Variants in MLPH observed in about 807,000 individuals in gnomAD.
MLPH encodes the protein melanophilin, also known as exophilin-3.
MLPH carries 51 observed loss-of-function variants against 72.1 expected under a neutral mutation model. That is an observed-to-expected ratio of 0.71 (90% confidence interval 0.56 to 0.89). MLPH has a LOEUF of 0.89. Ranked by LOEUF, MLPH falls within the 40% of genes least tolerant of loss-of-function variation. The probability of loss-of-function intolerance (pLI) is 0.00; values close to 1 mark genes in which losing one functional copy is unlikely to be tolerated. For missense variants in MLPH, 743 were observed against 759.9 expected (o/e 0.98, Z 0.26); for synonymous variants, 301 against 310.1 (o/e 0.97, Z 0.31).
rs770837661 is a variant in MLPH, at chr2:237,540,864, C to T, written c.1353C>T (p.Pro451=). 13 of 1,613,250 alleles carry T rather than the reference C, an allele frequency of 8.1e-6. No homozygotes were observed. The Admixed American group carries it at 1.0e-4, about 12-fold the overall frequency. ...AAAGCCCCCAGGACCCTGGGGACCC[C>T]GTCCAGTACAACAGGACCACAGATG... ...QEKSPQDPGD[P]VQYNRTTDEE... The change falls in exon 11 of 16, where the codon CCC becomes CCT. Residue 451 remains proline, a synonymous_variant. Coordinates refer to ENST00000264605, the MANE Select transcript of MLPH (RefSeq NM_024101.7).
intron 8 of MLPH, among the ~76,000 whole-genome samples, chr2:237,530,388 C>A (rs2080395649): frequency 6.6e-6 from 1 of 152,196 alleles, no homozygotes; most frequent in Admixed American, 6.5e-5. Context: ...AAAATGAGCA[C>A]CTGAATTTCA....
intron 6 of MLPH, 65 bp downstream of exon 6, chr2:237,520,094 C>T: frequency 6.2e-7 from 1 of 1,608,624 alleles, no homozygotes; most frequent in Non-Finnish European, 8.5e-7. Flanking sequence ...TGCTCAGGCC[C>T]CAGGTGAGGG....
intron 6 of MLPH, among the ~76,000 whole-genome samples, chr2:237,520,757 A>G (rs1470927351): frequency 6.6e-6 from 1 of 152,242 alleles, no homozygotes; most frequent in East Asian, 1.9e-4. Context: ...CTTTCTGAGT[A>G]GATACGGTAA....
At chr2:237,531,005 G>A (rs954883713) in intron 8 of MLPH, among the ~76,000 whole-genome samples, 2 of 152,210 alleles carry the variant, frequency 1.3e-5, no homozygotes, top group African/African-American at 4.8e-5. Flanking sequence ...AGGCAGCGAG[G>A]TCCCCCAGGC....
chr2:237,536,011 C>T (rs893690858), intron 9 of MLPH, among the ~76,000 whole-genome samples: 2 of 152,200 alleles, frequency 1.3e-5, no homozygotes, highest in African/African-American at 2.4e-5. Flanking sequence ...CCTCTAGAGG[C>T]TCCCAATCAT....
intron 2 of MLPH, 69 bp downstream of exon 2, chr2:237,493,605 G>T: frequency 8.0e-7 from 1 of 1,247,072 alleles, no homozygotes; most frequent in Non-Finnish European, 1.2e-6. Context: ...TCATATGGGT[G>T]CTGTCTGGGT....
intron 1 of MLPH, among the ~76,000 whole-genome samples, chr2:237,492,026 T>C (rs1290364487): frequency 1.3e-5 from 2 of 152,200 alleles, no homozygotes; most frequent in African/African-American, 4.8e-5. Flanking sequence ...CCTGGAGATC[T>C]TGTTCAAAGG....
At chr2:237,493,581 T>G in intron 2 of MLPH, 45 bp downstream of exon 2, 1 of 1,458,424 alleles carries the variant, frequency 6.9e-7, no homozygotes, top group East Asian at 2.3e-5. Context: ...GTCCCTGATC[T>G]TCCCCCAGGG....
Position 237,512,800 on chromosome 2 carries a change from G to C in MLPH, c.445+1699G>C, listed in dbSNP as rs2079933466. On this transcript the variant is annotated intron_variant, in intron 4 of 15. Transcript: ENST00000264605. This position sits in a 1 kb window ranked among gnomAD's most constrained non-coding sequence, Gnocchi z 5.5. The stretch of plus-strand genomic sequence containing the variant: ...ACCCCAGAGGCAGTCTTTAGGGACT[G>C]GGGTGGGCTCAGGAAGCTGTATTAT... 6.6e-6 allele frequency among the ~76,000 whole-genome samples: 1 copy of C among 152,162 alleles called. No homozygotes were observed. The highest frequency in any genetic ancestry group is 6.5e-5 in the Admixed American group (1 of 15,286).
At chr2:237,533,832 G>A (rs766023339) in intron 8 of MLPH, among the ~76,000 whole-genome samples, 3 of 152,200 alleles carry the variant, frequency 2.0e-5, no homozygotes, top group African/African-American at 4.8e-5. Context: ...CATGTTCTTC[G>A]GGCAGATTTG....
intron 2 of MLPH, among the ~76,000 whole-genome samples, chr2:237,499,615 C>T (rs755993785): frequency 6.6e-6 from 1 of 151,942 alleles, no homozygotes; most frequent in Admixed American, 6.5e-5. Context: ...AATTTAACAA[C>T]GGATTTAACA....
chr2:237,511,191 T>TACGTGTGTGTGTGC, intron 4 of MLPH, 90 bp downstream of exon 4: 1 of 980,870 alleles, frequency 1.0e-6, no homozygotes, highest in Non-Finnish European at 1.6e-6. Flanking sequence ...TGTGTGTGTG[T>TACGTGTGTGTGTGC]ACGTGTGTGT....
chr2:237,535,400 T>C (rs1328569147), intron 9 of MLPH, among the ~76,000 whole-genome samples: 3 of 151,878 alleles, frequency 2.0e-5, no homozygotes, highest in Admixed American at 1.3e-4. Flanking sequence ...ACATGAACTT[T>C]AGGGGACACA....
intron 8 of MLPH, among the ~76,000 whole-genome samples, chr2:237,529,711 A>G (rs2080378799): frequency 6.6e-6 from 1 of 152,218 alleles, no homozygotes; most frequent in African/African-American, 2.4e-5. Flanking sequence ...CATGAAACCC[A>G]GAGAAGGGGA....
At chr2:237,513,916 T>G (rs2079960213) in intron 4 of MLPH, among the ~76,000 whole-genome samples, 2 of 152,230 alleles carry the variant, frequency 1.3e-5, no homozygotes, top group Admixed American at 6.5e-5. Flanking sequence ...CTTGACCTTC[T>G]GAAAGTTCAC....
chr2:237,527,790 A>G (rs1559360680), intron 8 of MLPH: 1 of 487,540 alleles, frequency 2.1e-6, no homozygotes, highest in Non-Finnish European at 3.7e-6. Context: ...ATACACCCCA[A>G]AAAATTGAAG....
Position 237,542,567 on chromosome 2 carries a change from G to C in MLPH, c.1447G>C (p.Val483Leu). 2 of 1,598,758 alleles carry C rather than the reference G, an allele frequency of 1.3e-6. No homozygotes were observed. The highest frequency in any genetic ancestry group is 8.5e-7 in the Non-Finnish European group (1 of 1,173,466). The change falls in exon 12 of 16, where the codon GTT becomes CTT. Residue 483 changes from valine (V) to leucine (L), a missense_variant and splice_region_variant. Transcript: ENST00000264605. ...ASEVQQAESEVSDIESRIAAL... is the reference protein window; with the variant it reads ...ASEVQQAESELSDIESRIAAL... ...CCTTCTGTCTGCTGTCCTCTCGCAG[G>C]TTTCAGACATTGAATCCAGGATTGC...
At chr2:237,529,319 A>G (rs1052864537) in intron 8 of MLPH, among the ~76,000 whole-genome samples, 1 of 152,244 alleles carries the variant, frequency 6.6e-6, no homozygotes, top group African/African-American at 2.4e-5. Context: ...TTGGGATTAC[A>G]GGTGTGAGCC....
chr2:237,525,953 C>A, intron 7 of MLPH, 148 bp downstream of exon 7: 1 of 802,352 alleles, frequency 1.2e-6, no homozygotes. Flanking sequence ...ACGTGCAGTC[C>A]CAGCAAACAC....
Sources: gnomAD v4.1 joint callset for allele counts (sites outside exome capture counted in the v4.1 genomes callset) on GRCh38, gnomAD v4.1.1 for gene constraint, Gnocchi (gnomAD v3.1) non-coding constraint, MANE v1.5 for transcripts, NCBI Gene and HGNC (gene_info 2026-07-23, HGNC 2026-07-21) for gene names.